The following PDGFC variants were observed in gnomAD, a reference collection of about 807,000 sequenced individuals.
PDGFC encodes platelet derived growth factor C.
In PDGFC, 12 loss-of-function variants were observed where a neutral mutation model predicts 35.5. The observed-to-expected ratio is 0.34, with a 90% confidence interval of 0.22 to 0.55. PDGFC has a LOEUF of 0.55. Among genes scored for constraint, PDGFC ranks in the 20% least tolerant of loss-of-function variants. The pLI is 0.91. For missense variants in PDGFC, 322 were observed against 412.4 expected (o/e 0.78, Z 1.90); for synonymous variants, 159 against 148.8 (o/e 1.07, Z -0.50).
At chr4:156,927,831 C>T (rs1477935147) in intron 1 of PDGFC, among the ~76,000 whole-genome samples, 1 of 152,098 alleles carries the variant, frequency 6.6e-6, no homozygotes, top group Non-Finnish European at 1.5e-5. Context: ...TTTTGGGTAT[C>T]TTTTCAGCAG....
At chr4:156,876,405 T>G (rs1322419004) in intron 1 of PDGFC, 1 of 152,218 alleles carries the variant, frequency 6.6e-6, no homozygotes, top group Non-Finnish European at 1.5e-5. Context: ...CAACAGCTAA[T>G]ATTAATTGTG....
At chr4:156,886,656 A>T (rs1055459716) in intron 1 of PDGFC, 6 of 152,158 alleles carry the variant, frequency 3.9e-5, no homozygotes, top group Non-Finnish European at 8.8e-5. Context: ...CATTTCCCCT[A>T]GGCTAGTGAC....
At chr4:156,902,037 G>A (rs745480478) in intron 1 of PDGFC, among the ~76,000 whole-genome samples, 11 of 152,156 alleles carry the variant, frequency 7.2e-5, no homozygotes, top group Non-Finnish European at 1.6e-4. Flanking sequence ...GGGTTGAGCT[G>A]AATGATTTTG....
At chr4:156,860,222 G>C (rs893331346) in intron 1 of PDGFC, among the ~76,000 whole-genome samples, 3 of 152,050 alleles carry the variant, frequency 2.0e-5, no homozygotes, top group Non-Finnish European at 4.4e-5. Context: ...CTACTTCCTT[G>C]TCTTCTGATC....
intron 2 of PDGFC, among the ~76,000 whole-genome samples, chr4:156,842,823 G>A (rs911247441): frequency 3.9e-5 from 6 of 152,102 alleles, no homozygotes; most frequent in African/African-American, 1.4e-4. Context: ...GTAACTGTTC[G>A]TGAGTGTCCA....
rs1440660329 is a variant in PDGFC at position 156,971,482 on chromosome 4, G to T, written c.-579C>A. On this transcript the variant is annotated 5_prime_UTR_variant, in exon 1 of 6. Coordinates refer to ENST00000502773, the MANE Select transcript of PDGFC (RefSeq NM_016205.3). ...CGCCGCGGCGGGTCCCACGGGCCGG[G>T]GCGCCGGAGCGGGGCCGGGGGGCTC... 4.0e-6 allele frequency: 1 copy of T among 248,030 alleles called. No individual in the cohort carries two copies. The highest frequency in any genetic ancestry group is 7.5e-5 in the East Asian group (1 of 13,276). 15.4% of individuals were successfully genotyped at this position (248,030 alleles called of 1,614,324 possible).
intron 3 of PDGFC, among the ~76,000 whole-genome samples, chr4:156,792,465 A>G (rs1182070796): frequency 6.6e-6 from 1 of 152,226 alleles, no homozygotes; most frequent in African/African-American, 2.4e-5. Context: ...TCAAGATCAG[A>G]AAACAGAAAA....
At chr4:156,900,826 C>A (rs528953525) in intron 1 of PDGFC, among the ~76,000 whole-genome samples, 75 of 150,606 alleles carry the variant, frequency 5.0e-4, no homozygotes, top group Middle Eastern at 3.4e-3. Context: ...CAGAGAGAGA[C>A]CCTGTCTCAA....
At chr4:156,903,606 C>A (rs1730846026) in intron 1 of PDGFC, among the ~76,000 whole-genome samples, 2 of 151,872 alleles carry the variant, frequency 1.3e-5, no homozygotes, top group Admixed American at 6.6e-5. Flanking sequence ...AAAAGAGATC[C>A]AATAATTAAA....
chr4:156,888,812 A>C (rs1027743782), intron 1 of PDGFC, among the ~76,000 whole-genome samples: 1 of 152,154 alleles, frequency 6.6e-6, no homozygotes, highest in African/African-American at 2.4e-5. Flanking sequence ...TCTACACTAA[A>C]CATTCATAAT....
At chr4:156,944,342 T>C (rs913595515) in intron 1 of PDGFC, among the ~76,000 whole-genome samples, 1 of 152,146 alleles carries the variant, frequency 6.6e-6, no homozygotes, top group Non-Finnish European at 1.5e-5. Flanking sequence ...CTGGCACATC[T>C]TCCTCTGTAA....
Position 156,967,824 on chromosome 4 carries a change from C to A in PDGFC, c.118+2962G>T, listed in dbSNP as rs550176834. 4 of 152,310 alleles carry A rather than the reference C, an allele frequency of 2.6e-5. No individual in the cohort carries two copies. The East Asian group carries it at 7.7e-4, about 29-fold the overall frequency. 9.4% of individuals were successfully genotyped at this position (152,310 alleles called of 1,614,324 possible). On this transcript the variant is annotated intron_variant, in intron 1 of 5. Coordinates refer to ENST00000502773, the MANE Select transcript of PDGFC (RefSeq NM_016205.3). The stretch of plus-strand genomic sequence containing the variant: ...GTATACAGGCCAGACACCCTCCAAG[C>A]AAGTCAATGTTATCTTTTAATCTCT...
At chr4:156,934,369 T>A (rs1731626774) in intron 1 of PDGFC, among the ~76,000 whole-genome samples, 1 of 152,128 alleles carries the variant, frequency 6.6e-6, no homozygotes. Flanking sequence ...AAATACAATA[T>A]AAAAGATTTA....
chr4:156,775,411 T>C (rs902364928), intron 3 of PDGFC, among the ~76,000 whole-genome samples: 1 of 152,194 alleles, frequency 6.6e-6, no homozygotes, highest in Non-Finnish European at 1.5e-5. Flanking sequence ...GCTAGCAAGT[T>C]AATACAAAAA....
chr4:156,940,937 T>A (rs1731790136), intron 1 of PDGFC, among the ~76,000 whole-genome samples: 1 of 152,178 alleles, frequency 6.6e-6, no homozygotes, highest in Non-Finnish European at 1.5e-5. Context: ...AATGTGTTTA[T>A]CCTTGCCATT....
intron 1 of PDGFC, among the ~76,000 whole-genome samples, chr4:156,939,587 G>A (rs968711669): frequency 6.6e-6 from 1 of 152,010 alleles, no homozygotes; most frequent in East Asian, 1.9e-4. Flanking sequence ...TGTATTATTA[G>A]CCAAATGAAA....
intron 1 of PDGFC, among the ~76,000 whole-genome samples, chr4:156,963,785 C>T (rs540474472): frequency 1.1e-3 from 166 of 152,198 alleles, no homozygotes; most frequent in Admixed American, 2.9e-3. Flanking sequence ...TTAGCGAATG[C>T]TACCAAAAGT....
At chr4:156,933,565 A>T (rs1175744368) in intron 1 of PDGFC, among the ~76,000 whole-genome samples, 1 of 152,210 alleles carries the variant, frequency 6.6e-6, no homozygotes, top group African/African-American at 2.4e-5. Flanking sequence ...TTTGCTGTTT[A>T]AAATTTCCCA....
At chr4:156,877,324 C>A (rs938478662) in intron 1 of PDGFC, among the ~76,000 whole-genome samples, 1 of 152,012 alleles carries the variant, frequency 6.6e-6, no homozygotes. Context: ...ATTGTAATCA[C>A]CTTTCTAAAT....
Sources: allele counts gnomAD v4.1 joint callset (sites outside exome capture counted in the v4.1 genomes callset), GRCh38; gene constraint gnomAD v4.1.1; transcripts MANE v1.5; gene names NCBI Gene and HGNC (gene_info 2026-07-23, HGNC 2026-07-21).